The following ADGRL2 variants were observed in gnomAD, a reference collection of about 807,000 sequenced individuals.
ADGRL2 encodes adhesion G protein-coupled receptor L2, also known as calcium-independent alpha-latrotoxin receptor 2.
A neutral mutation model predicts 157.4 loss-of-function variants in ADGRL2; 44 were observed. The observed-to-expected ratio is 0.28, with a 90% CI of 0.22 to 0.36. The LOEUF (loss-of-function observed/expected upper bound fraction) is 0.36. Among genes scored for constraint, ADGRL2 ranks in the 10% least tolerant of loss-of-function variants. ADGRL2 has a pLI of 1.00. For missense variants in ADGRL2, 1,510 were observed against 1,768.9 expected (o/e 0.85, Z 2.63); for synonymous variants, 585 against 624.7 (o/e 0.94, Z 0.95).
At chr1:81,980,835 C>G (rs1376597552) in intron 18 of ADGRL2, 1 of 714,424 alleles carries the variant, frequency 1.4e-6, no homozygotes, top group African/African-American at 1.7e-5. Context: ...TACGGACTTA[C>G]CTGGGTAAGG....
intron 3 of ADGRL2, among the ~76,000 whole-genome samples, chr1:81,667,594 C>T (rs1356475116): frequency 6.6e-6 from 1 of 152,056 alleles, no homozygotes; most frequent in East Asian, 1.9e-4. Flanking sequence ...TGTCATTATT[C>T]TTTATTTCAG....
At chr1:81,791,278 A>G (rs2087332826) in intron 2 of ADGRL2, among the ~76,000 whole-genome samples, 1 of 152,110 alleles carries the variant, frequency 6.6e-6, no homozygotes, top group Non-Finnish European at 1.5e-5. Context: ...AGACTTTACA[A>G]AATTGTATTA....
intron 6 of ADGRL2, among the ~76,000 whole-genome samples, chr1:81,945,666 G>A (rs1488267844): frequency 2.0e-5 from 3 of 152,056 alleles, no homozygotes; most frequent in Non-Finnish European, 4.4e-5. Flanking sequence ...TTTGGAAAGA[G>A]CAGTTAACAG....
At chr1:81,972,156 C>G (rs546901274) in intron 17 of ADGRL2, among the ~76,000 whole-genome samples, 26 of 152,122 alleles carry the variant, frequency 1.7e-4, no homozygotes, top group African/African-American at 5.3e-4. Context: ...GCTGACATAT[C>G]ACATCATAAT....
At chr1:81,981,031 A>G in intron 18 of ADGRL2, 2 of 417,096 alleles carry the variant, frequency 4.8e-6, no homozygotes, top group Non-Finnish European at 8.9e-6. Flanking sequence ...AATTTTGACT[A>G]ATTTATAAAA....
intron 1 of ADGRL2, among the ~76,000 whole-genome samples, chr1:81,333,004 G>T (rs1030602162): frequency 1.3e-5 from 2 of 152,146 alleles, no homozygotes; most frequent in African/African-American, 4.8e-5. Flanking sequence ...TAGGAAACTC[G>T]TTTCTGAAAT....
In ADGRL2 at chr1:81,421,749, A is replaced by G. The variant is rs201269597; in HGVS notation, c.-301-23287A>G. Reference sequence around the variant, plus strand: ...ATATAGCCTTGTGATAAAAAAGCAAATGGAAATCTAGAATTCACTTTTAGG... The same window carrying G: ...ATATAGCCTTGTGATAAAAAAGCAAGTGGAAATCTAGAATTCACTTTTAGG... On this transcript the variant is annotated intron_variant, in intron 1 of 24. Transcript: ENST00000370721. Among the ~76,000 whole-genome samples, 6 of 152,286 alleles carry G rather than the reference A, an allele frequency of 3.9e-5. No homozygotes were observed. In the East Asian group the frequency reaches 1.2e-3, roughly 29 times the overall value.
rs1382856065 is a variant in ADGRL2, at chr1:81,907,224, C to G, written c.281C>G (p.Thr94Ser). The part of the protein sequence containing the change: ...CYLPDAFKIM[T>S]QRCNNRTQCI... The stretch of plus-strand genomic sequence containing the variant: ...CTCCCCGATGCCTTCAAAATTATGA[C>G]TCAAAGGTAAATATTCATGTGTTAA... Residue 94 changes from threonine to serine, a missense_variant, in exon 3 of 24, where the codon ACT (threonine) becomes AGT (serine). Around this residue, in one of 4 missense-constraint regions of ADGRL2, gnomAD observed 361 missense variants for 498.4 expected, o/e 0.72. Transcript: ENST00000686636. The G allele has an allele frequency of 6.2e-7, 1 of 1,612,584 alleles. No homozygotes were observed.
chr1:81,650,810 T>C (rs2082405574), intron 3 of ADGRL2, among the ~76,000 whole-genome samples: 1 of 152,196 alleles, frequency 6.6e-6, no homozygotes, highest in Non-Finnish European at 1.5e-5. Flanking sequence ...TTAATCCTAC[T>C]TGAACTTTTG....
chr1:81,461,946 T>G (rs866733364), intron 2 of ADGRL2, among the ~76,000 whole-genome samples: 7,659 of 69,326 alleles, frequency 0.11, 10 homozygotes, highest in Non-Finnish European at 0.15. Flanking sequence ...GGGGGGGTGG[T>G]GGAGAAAGAG....
At chr1:81,885,522 A>G (rs2094108405) in intron 2 of ADGRL2, among the ~76,000 whole-genome samples, 1 of 152,198 alleles carries the variant, frequency 6.6e-6, no homozygotes, top group African/African-American at 2.4e-5. Flanking sequence ...CTGCTCACAG[A>G]TAGAAAAGGA....
At chr1:81,522,653 C>T (rs1365538921) in intron 2 of ADGRL2, among the ~76,000 whole-genome samples, 1 of 152,058 alleles carries the variant, frequency 6.6e-6, no homozygotes, top group Non-Finnish European at 1.5e-5. Context: ...TACTTGCTTG[C>T]TGATTTTTTA....
chr1:81,388,996 T>A (rs2101102587), intron 1 of ADGRL2, among the ~76,000 whole-genome samples: 1 of 152,230 alleles, frequency 6.6e-6, no homozygotes, highest in South Asian at 2.1e-4. Flanking sequence ...ATAGCTAGAA[T>A]CTGACAGAAA....
intron 2 of ADGRL2, among the ~76,000 whole-genome samples, chr1:81,844,993 A>G (rs1277944239): frequency 6.6e-6 from 1 of 152,164 alleles, no homozygotes; most frequent in Non-Finnish European, 1.5e-5. Context: ...TAGAAGGTTC[A>G]TAATTCTGTG....
At chr1:81,830,519 T>C (rs2091869924) in intron 1 of ADGRL2, among the ~76,000 whole-genome samples, 3 of 152,200 alleles carry the variant, frequency 2.0e-5, no homozygotes, top group African/African-American at 7.2e-5. Flanking sequence ...TTTTATTTTA[T>C]TTTTTTGAGA....
chr1:81,470,893 A>C (rs2078157671), intron 2 of ADGRL2, among the ~76,000 whole-genome samples: 1 of 152,228 alleles, frequency 6.6e-6, no homozygotes, highest in Admixed American at 6.5e-5. Context: ...TCATTAATGC[A>C]CAAAGGTAGA....
intron 1 of ADGRL2, among the ~76,000 whole-genome samples, chr1:81,329,025 C>T (rs1661092762): frequency 1.3e-5 from 2 of 151,888 alleles, no homozygotes; most frequent in South Asian, 4.1e-4. Flanking sequence ...GTGCAAAACC[C>T]AATTAACAGT....
intron 11 of ADGRL2, among the ~76,000 whole-genome samples, chr1:81,956,896 A>G (rs1441191890): frequency 2.0e-5 from 3 of 152,160 alleles, no homozygotes; most frequent in Admixed American, 6.5e-5. Flanking sequence ...GGAATGCCAT[A>G]TCTTAATGCC....
At chr1:81,894,246 A>G (rs1464000230) in intron 2 of ADGRL2, among the ~76,000 whole-genome samples, 4 of 151,794 alleles carry the variant, frequency 2.6e-5, no homozygotes, top group African/African-American at 7.3e-5. Flanking sequence ...AATTAGTGCT[A>G]TTTTCTGTTT....
Sources: gnomAD v4.1 joint callset for allele counts (sites outside exome capture counted in the v4.1 genomes callset) on GRCh38, gnomAD v4.1.1 for gene constraint, gnomAD v4.1.1 regional missense constraint, MANE v1.5 for transcripts, NCBI Gene and HGNC (gene_info 2026-07-23, HGNC 2026-07-21) for gene names.